Variants in FHIT observed in about 807,000 individuals in gnomAD.
The protein encoded by FHIT is fragile histidine triad diadenosine triphosphatase, also known as bis(5'-adenosyl)-triphosphatase.
In FHIT, 19 loss-of-function variants were observed where a neutral mutation model predicts 17.9. The observed-to-expected ratio is 1.06, with a 90% CI of 0.74 to 1.56. The LOEUF is 1.56. FHIT is among the 40% of genes most tolerant of loss of function. The pLI is 0.00. For missense variants in FHIT, 248 were observed against 189.2 expected, an observed-to-expected ratio of 1.31 and a Z score of -1.82; for synonymous variants, 81 against 69.7, an observed-to-expected ratio of 1.16 and a Z score of -0.81.
intron 5 of FHIT, among the ~76,000 whole-genome samples, chr3:60,407,018 C>CTCCTATATCCT (rs1701886191): frequency 6.7e-6 from 1 of 148,982 alleles, no homozygotes; most frequent in Non-Finnish European, 1.5e-5. Flanking sequence ...AAGTCTCATT[C>CTCCTATATCCT]TCCTATATCC....
chr3:59,840,139 G>C (rs1277527011), intron 8 of FHIT, among the ~76,000 whole-genome samples: 1 of 152,122 alleles, frequency 6.6e-6, no homozygotes, highest in Non-Finnish European at 1.5e-5. Context: ...AATCAAAAAG[G>C]ATGGGCAAGG....
intron 4 of FHIT, among the ~76,000 whole-genome samples, chr3:60,611,624 T>C (rs2038788353): frequency 6.6e-6 from 1 of 152,170 alleles, no homozygotes; most frequent in Admixed American, 6.5e-5. Context: ...CCATCTGTGA[T>C]GATTTTTATG....
At chr3:60,533,449 A>C (rs1323017148) in intron 5 of FHIT, among the ~76,000 whole-genome samples, 1 of 152,244 alleles carries the variant, frequency 6.6e-6, no homozygotes, top group Non-Finnish European at 1.5e-5. Context: ...GTGCAGACAG[A>C]AATAGGGATG....
chr3:59,985,656 C>CT (rs1708864247), intron 7 of FHIT, among the ~76,000 whole-genome samples: 1 of 152,106 alleles, frequency 6.6e-6, no homozygotes, highest in South Asian at 2.1e-4. Context: ...CTCAATTTCA[C>CT]TAAAGACTTA....
intron 5 of FHIT, among the ~76,000 whole-genome samples, chr3:60,455,878 A>T (rs59884304): frequency 1.3e-5 from 2 of 152,180 alleles, no homozygotes; most frequent in South Asian, 2.1e-4. Context: ...AAAAAAATAC[A>T]TAATTTTAAG....
chr3:61,144,027 CT>C (rs2037160701), intron 2 of FHIT, among the ~76,000 whole-genome samples: 3 of 152,220 alleles, frequency 2.0e-5, no homozygotes, highest in Admixed American at 2.0e-4. Flanking sequence ...TGCCAATGTG[CT>C]TTTTTATAGC....
At chr3:60,859,510 T>C (rs1350066110) in intron 3 of FHIT, among the ~76,000 whole-genome samples, 1 of 151,872 alleles carries the variant, frequency 6.6e-6, no homozygotes, top group African/African-American at 2.4e-5. Context: ...TTCCGATCAA[T>C]GGAATGTGGC....
rs1285787103 is a variant in FHIT at position 60,173,911 on chromosome 3, A to T, written c.104-159759T>A. On this transcript the variant is annotated intron_variant, in intron 5 of 9. Transcript: ENST00000492590. ...TATATATATATATATATATATATAT[A>T]TATATGTTTTTTTTTTTTTTTGAGA... Among the ~76,000 whole-genome samples the T allele has an allele frequency of 8.7e-3, 605 of 69,620 alleles. 45 individuals carry two copies. In the East Asian group the frequency reaches 0.12, roughly 14 times the overall value. 45.7% of individuals were successfully genotyped at this position (69,620 alleles called of 152,430 possible). A position where few individuals can be genotyped will look rare whatever the true frequency, so the allele number is the denominator to read the frequency against.
intron 5 of FHIT, among the ~76,000 whole-genome samples, chr3:60,033,429 G>A (rs892578205): frequency 6.6e-6 from 1 of 151,970 alleles, no homozygotes; most frequent in African/African-American, 2.4e-5. Context: ...GGGAGGCAGA[G>A]GCTGCGGTGA....
intron 5 of FHIT, among the ~76,000 whole-genome samples, chr3:60,514,387 G>T (rs897221493): frequency 6.6e-6 from 1 of 152,202 alleles, no homozygotes; most frequent in Admixed American, 6.5e-5. Context: ...TTCCTTGCAC[G>T]CTCCCTCCCG....
chr3:61,035,854 G>T (rs1898749), intron 3 of FHIT, among the ~76,000 whole-genome samples: 23,635 of 152,034 alleles, frequency 0.16, 2,868 homozygotes, highest in East Asian at 0.61. Flanking sequence ...CACTCTTCTG[G>T]CTCCTCAGTA....
At chr3:60,030,109 T>A (rs920629222) in intron 5 of FHIT, among the ~76,000 whole-genome samples, 8 of 152,180 alleles carry the variant, frequency 5.3e-5, no homozygotes, top group Non-Finnish European at 8.8e-5. Context: ...CCTCCTGAAC[T>A]CTGAATGCAT....
chr3:60,847,615 T>C (rs1277225101), intron 3 of FHIT, among the ~76,000 whole-genome samples: 1 of 152,038 alleles, frequency 6.6e-6, no homozygotes, highest in Non-Finnish European at 1.5e-5. Context: ...TCTTGGAAAA[T>C]ACACCCACAA....
At chr3:60,190,985 G>A (rs943309972) in intron 5 of FHIT, among the ~76,000 whole-genome samples, 7 of 152,006 alleles carry the variant, frequency 4.6e-5, no homozygotes, top group African/African-American at 1.7e-4. Flanking sequence ...TCTTTTTCCT[G>A]TGACTGGGAG....
At chr3:60,555,832 T>C (rs929181672) in intron 4 of FHIT, among the ~76,000 whole-genome samples, 13 of 152,288 alleles carry the variant, frequency 8.5e-5, no homozygotes, top group South Asian at 2.1e-4. Flanking sequence ...CGTGGTTCCA[T>C]TGTTCAGGCC....
intron 7 of FHIT, among the ~76,000 whole-genome samples, chr3:59,943,341 A>C (rs1575738054): frequency 1.3e-5 from 2 of 152,102 alleles, no homozygotes; most frequent in Non-Finnish European, 2.9e-5. Context: ...GGAGCAGACT[A>C]AAAAATATGT....
intron 5 of FHIT, among the ~76,000 whole-genome samples, chr3:60,066,630 ATTTTTTTTTTTTTTTTTTTTTTTTTTTTT>A (rs71089574): frequency 1.6e-4 from 8 of 51,374 alleles, no homozygotes; most frequent in African/African-American, 3.5e-4. Context: ...TCCCTGACAA[ATTTTTTTTTTTTTTTTTTTTTTTTTTTTT>A]TTTTTTTTTT....
At chr3:60,671,951 GA>G (rs535801794) in intron 4 of FHIT, among the ~76,000 whole-genome samples, 2,825 of 150,786 alleles carry the variant, frequency 0.019, 32 homozygotes, top group Middle Eastern at 0.038. Flanking sequence ...ACTCTGTCTT[GA>G]AAAAAAAATT....
intron 4 of FHIT, among the ~76,000 whole-genome samples, chr3:60,554,046 T>C (rs557357902): frequency 1.3e-5 from 2 of 152,052 alleles, no homozygotes; most frequent in Admixed American, 1.3e-4. Flanking sequence ...AAGATTGTGC[T>C]GCGCCACTGC....
Sources: gnomAD v4.1 joint callset for allele counts (sites outside exome capture counted in the v4.1 genomes callset) on GRCh38, gnomAD v4.1.1 for gene constraint, MANE v1.5 for transcripts, NCBI Gene and HGNC (gene_info 2026-07-23, HGNC 2026-07-21) for gene names.